TBCD: variants seen among roughly 807,000 people sequenced by gnomAD.
TBCD encodes tubulin folding cofactor D, also known as tubulin-specific chaperone D.
Under a neutral mutation model 169.3 loss-of-function variants are expected in TBCD, and 105 were observed. The observed-to-expected ratio is 0.62, with a 90% CI of 0.53 to 0.73. The LOEUF (loss-of-function observed/expected upper bound fraction) is 0.73, where lower values mean the gene tolerates loss of function less well. Among genes scored for constraint, TBCD ranks in the 30% least tolerant of loss-of-function variants. TBCD has a pLI of 0.00. For missense variants in TBCD, 1,444 were observed against 1,600.1 expected, an observed-to-expected ratio of 0.90 and a Z score of 1.66; for synonymous variants, 700 against 643.9, an observed-to-expected ratio of 1.09 and a Z score of -1.32.
At chr17:82,794,370 T>C (rs532640901) in intron 7 of TBCD, among the ~76,000 whole-genome samples, 50 of 152,356 alleles carry the variant, frequency 3.3e-4, no homozygotes, top group African/African-American at 1.2e-3. Context: ...CAGCTTGTGC[T>C]GTGCTGGTTT....
chr17:82,758,684 T>C (rs1250241434), intron 2 of TBCD, among the ~76,000 whole-genome samples: 2 of 139,394 alleles, frequency 1.4e-5, no homozygotes, highest in South Asian at 2.3e-4. Context: ...TTTTTTGAGA[T>C]GTAGTCTCTC....
intron 14 of TBCD, among the ~76,000 whole-genome samples, chr17:82,876,370 C>T (rs4986123): frequency 0.6 from 91,155 of 152,072 alleles, 27,343 homozygotes; most frequent in East Asian, 0.71. Flanking sequence ...CTCGCGGCCT[C>T]GCAGTGTCTC....
chr17:82,801,062 G>C, intron 9 of TBCD, 66 bp downstream of exon 9: 1 of 1,504,854 alleles, frequency 6.6e-7, no homozygotes, highest in Non-Finnish European at 8.9e-7. Context: ...GTGGGGGGCA[G>C]GCGCCATTGA....
intron 13 of TBCD, among the ~76,000 whole-genome samples, chr17:82,826,810 C>T (rs921989885): frequency 1.3e-5 from 2 of 152,122 alleles, no homozygotes; most frequent in Non-Finnish European, 2.9e-5. Context: ...AGGTCTCACT[C>T]TGTCACCCAG....
intron 27 of TBCD, among the ~76,000 whole-genome samples, chr17:82,925,598 T>C (rs1310424051): frequency 6.6e-6 from 1 of 152,154 alleles, no homozygotes; most frequent in African/African-American, 2.4e-5. Flanking sequence ...GCCACTGGGT[T>C]CCCCACGCCC....
At chr17:82,926,682 T>C (rs1430060772) in intron 28 of TBCD, among the ~76,000 whole-genome samples, 191 bp downstream of exon 28, 3 of 152,226 alleles carry the variant, frequency 2.0e-5, no homozygotes, top group African/African-American at 7.2e-5. Context: ...TCGTAGTGAA[T>C]GTTAAACTTC....
At position 82,801,231 on chromosome 17, in the gene TBCD, C is replaced by T. The variant is rs539453117; in HGVS notation, c.950+235C>T. Reference sequence around the variant, plus strand: ...GAGGGCAGGCCGAGCCGTAGGTGAGCGTCTGGTGTGGCTGGTGCTGTGGCT... The same window carrying T: ...GAGGGCAGGCCGAGCCGTAGGTGAGTGTCTGGTGTGGCTGGTGCTGTGGCT... On this transcript the variant is annotated intron_variant, in intron 9 of 38. Coordinates refer to ENST00000355528, the MANE Select transcript of TBCD (RefSeq NM_005993.5). Among the ~76,000 whole-genome samples, 23 of 152,240 alleles carry T rather than the reference C, an allele frequency of 1.5e-4. No individual in the cohort carries two copies. The East Asian group carries it at 4.2e-3, about 28-fold the overall frequency.
Position 82,929,656 on chromosome 17 carries a change from TTC to T in TBCD, c.2991+157_2991+158del, listed in dbSNP as rs2062038235. 5 of 1,058,714 alleles carry T rather than the reference TTC, an allele frequency of 4.7e-6. No homozygotes were observed. The South Asian group carries it at 6.8e-5, about 14-fold the overall frequency. The allele number at this position is 1,058,714 out of a possible 1,614,324, so 65.6% of individuals were successfully genotyped here. Reference sequence around the variant, plus strand: ...GTTAGGGGGTCAGGGGCCCAGTGTCTTCCTCATGACCCAGGAGGCTTAGGGCC... The same window carrying T: ...GTTAGGGGGTCAGGGGCCCAGTGTCTCTCATGACCCAGGAGGCTTAGGGCC... On this transcript the variant is annotated intron_variant, in intron 32 of 38. Transcript: ENST00000355528.
chr17:82,898,138 G>A (rs1281094755), intron 17 of TBCD, among the ~76,000 whole-genome samples: 2 of 136,664 alleles, frequency 1.5e-5, no homozygotes, highest in East Asian at 2.1e-4. Context: ...TCTGGTTTTC[G>A]TGAGCATTGA....
chr17:82,822,426 C>T (rs968190190), intron 13 of TBCD, among the ~76,000 whole-genome samples: 1 of 152,206 alleles, frequency 6.6e-6, no homozygotes, highest in Non-Finnish European at 1.5e-5. Context: ...CTGAGAGCTT[C>T]TACCGTGAAG....
At chr17:82,757,842 A>C (rs1022992928) in intron 2 of TBCD, among the ~76,000 whole-genome samples, 1 of 152,112 alleles carries the variant, frequency 6.6e-6, no homozygotes, top group African/African-American at 2.4e-5. Flanking sequence ...TCCCCAGGCC[A>C]TATCTTATAG....
intron 7 of TBCD, among the ~76,000 whole-genome samples, chr17:82,784,807 T>A (rs1169249381): frequency 2.0e-5 from 3 of 152,164 alleles, no homozygotes; most frequent in Non-Finnish European, 2.9e-5. Flanking sequence ...ATGACATGCG[T>A]GTGGAAGACC....
chr17:82,807,540 C>CA, intron 10 of TBCD, 68 bp from the exon 11 acceptor site: 1 of 1,295,750 alleles, frequency 7.7e-7, no homozygotes, highest in Non-Finnish European at 1.0e-6. Flanking sequence ...CAGGATGGGT[C>CA]ACCTTACAGC....
At position 82,911,786 on chromosome 17, in the gene TBCD, G is replaced by A; in HGVS notation, c.2035G>A (p.Ala679Thr). ...TCTGGGAGGACAGCTCATGAGACAAGCAGGTAAGTCTGAAGGCCTTTGCAG... is the reference window on the plus strand; with the variant it reads ...TCTGGGAGGACAGCTCATGAGACAAACAGGTAAGTCTGAAGGCCTTTGCAG... ...RGLGGQLMRQ[A>T]VCVLIEKLSL... The change falls in exon 23 of 39, where the codon GCA (alanine) becomes ACA (threonine). Residue 679 changes from alanine to threonine, a missense_variant. By Grantham distance (58) the Ala-to-Thr change is moderately conservative. Transcript: ENST00000355528. The A allele has an allele frequency of 1.2e-6, 2 of 1,613,890 alleles. No homozygotes were observed. Among genetic ancestry groups the A allele is most frequent in the Non-Finnish European group, 1.7e-6 (2 of 1,179,858 alleles).
At position 82,944,702 on chromosome 17, in the gene TBCD, T is replaced by C. The variant is rs1048987839; in HGVS notation, c.*2239T>C. 6.6e-6 allele frequency: 1 copy of C among 152,166 alleles called. No homozygotes were observed. Among genetic ancestry groups the C allele is most frequent in the Non-Finnish European group, 1.5e-5 (1 of 68,034 alleles). 9.4% of individuals were successfully genotyped at this position (152,166 alleles called of 1,614,324 possible). The stretch of plus-strand genomic sequence containing the variant: ...GACCGGGGAGCTGATGTGGGATTTG[T>C]GTACCCACAAACACGTTCTAGGTGC... On this transcript the variant is annotated 3_prime_UTR_variant, in exon 39 of 39. Transcript: ENST00000355528.
intron 19 of TBCD, among the ~76,000 whole-genome samples, chr17:82,905,563 C>T (rs1410802102): frequency 2.4e-4 from 21 of 87,698 alleles, no homozygotes; most frequent in African/African-American, 1.3e-3. Flanking sequence ...GTGTGCACGC[C>T]GTCACCTGCC....
chr17:82,899,346 A>G (rs906114295), intron 17 of TBCD, among the ~76,000 whole-genome samples: 10 of 138,948 alleles, frequency 7.2e-5, no homozygotes. Flanking sequence ...TCGTGTCCTC[A>G]GTGCGTGTCC....
At position 82,937,915 on chromosome 17, in the gene TBCD, T is replaced by C. The variant is rs1450517346; in HGVS notation, c.3282-134T>C. On this transcript the variant is annotated intron_variant, in intron 35 of 38. Transcript: ENST00000355528. ...TGTACGCACACACACACCTCCGGCT[T>C]GGGGCCCCAGGCCCGCACTGTGCTC... The C allele has an allele frequency of 1.2e-5, 19 of 1,533,860 alleles. No individual in the cohort carries two copies. The Admixed American group carries it at 3.3e-4, about 27-fold the overall frequency.
chr17:82,822,030 G>A (rs1301159884), intron 13 of TBCD, among the ~76,000 whole-genome samples: 3 of 152,222 alleles, frequency 2.0e-5, no homozygotes, highest in Admixed American at 6.5e-5. Context: ...GTCTTACGAC[G>A]ATGTTGCTGC....
Sources: gnomAD v4.1 joint callset for allele counts (sites outside exome capture counted in the v4.1 genomes callset) on GRCh38, gnomAD v4.1.1 for gene constraint, MANE v1.5 for transcripts, NCBI Gene and HGNC (gene_info 2026-07-23, HGNC 2026-07-21) for gene names.